LRRC4C: variants seen among roughly 807,000 people sequenced by gnomAD.
LRRC4C encodes leucine rich repeat containing 4C.
LRRC4C carries 5 observed loss-of-function variants against 33.6 expected under a neutral mutation model. That is an observed-to-expected ratio of 0.15 (90% confidence interval 0.08 to 0.31). LRRC4C has a LOEUF of 0.31. Ranked by LOEUF, LRRC4C falls within the 10% of genes least tolerant of loss-of-function variation. The probability of loss-of-function intolerance (pLI) is 1.00; values close to 1 mark genes in which losing one functional copy is unlikely to be tolerated. For missense variants in LRRC4C, 560 were observed against 796.7 expected (o/e 0.70, Z 3.58); for synonymous variants, 329 against 302.0 (o/e 1.09, Z -0.93).
At chr11:40,625,956 T>C (rs921627054) in intron 3 of LRRC4C, among the ~76,000 whole-genome samples, 3 of 152,184 alleles carry the variant, frequency 2.0e-5, no homozygotes, top group African/African-American at 7.2e-5. Context: ...ACGATGCTAT[T>C]AAATGATAGG....
intron 1 of LRRC4C, among the ~76,000 whole-genome samples, chr11:41,369,571 T>A (rs899859713): frequency 6.6e-6 from 1 of 151,538 alleles, no homozygotes; most frequent in Non-Finnish European, 1.5e-5. Context: ...GATTGGGAAA[T>A]CAGATGAGAG....
At chr11:40,794,917 T>A (rs550077097) in intron 2 of LRRC4C, among the ~76,000 whole-genome samples, 1 of 152,196 alleles carries the variant, frequency 6.6e-6, no homozygotes, top group South Asian at 2.1e-4. Flanking sequence ...GAATGATATA[T>A]TGAGTGCTTC....
chr11:41,306,126 G>A (rs1378053434), intron 1 of LRRC4C, among the ~76,000 whole-genome samples: 1 of 151,756 alleles, frequency 6.6e-6, no homozygotes, highest in Non-Finnish European at 1.5e-5. Flanking sequence ...TCAGTCTAGA[G>A]GCTCACTTAC....
At chr11:40,505,468 T>C (rs7113061) in intron 3 of LRRC4C, among the ~76,000 whole-genome samples, 86,222 of 151,996 alleles carry the variant, frequency 0.57, 24,834 homozygotes, top group East Asian at 0.81. Context: ...AACCTCTTGC[T>C]GGGTTATGGT....
chr11:40,771,162 C>G (rs1224579305), intron 2 of LRRC4C, among the ~76,000 whole-genome samples: 1 of 152,212 alleles, frequency 6.6e-6, no homozygotes, highest in Non-Finnish European at 1.5e-5. Flanking sequence ...CCAGGCATTT[C>G]TATACATCTT....
In LRRC4C at chr11:40,990,231, T is replaced by TTTTATA. The variant is rs1555030575; in HGVS notation, c.-495-56509_-495-56508insTATAAA. On this transcript the variant is annotated intron_variant, in intron 1 of 6. Transcript: ENST00000528697. ...AAATATTTGAATAGTATGTCAAGTT[T>TTTTATA]TATATATATATATATATATATATAT... Among the ~76,000 whole-genome samples, 3 of 78,244 alleles carry TTTTATA rather than the reference T, an allele frequency of 3.8e-5. No homozygotes were observed. In the East Asian group the frequency reaches 1.7e-3, roughly 45 times the overall value. 51.3% of individuals were successfully genotyped at this position (78,244 alleles called of 152,430 possible).
chr11:41,303,878 C>A lies in LRRC4C; in HGVS notation c.-496+155553G>T, dbSNP rs1353003058. Reference sequence around the variant, plus strand: ...ATCACCCCGTCTGAGAAGTGAGGAGCCCCTCCGCCCAGCAGCTGCCCGGTC... The same window carrying A: ...ATCACCCCGTCTGAGAAGTGAGGAGACCCTCCGCCCAGCAGCTGCCCGGTC... On this transcript the variant is annotated intron_variant, in intron 1 of 6. Coordinates refer to ENST00000528697, the MANE Select transcript of LRRC4C (RefSeq NM_001258419.2). Among the ~76,000 whole-genome samples, 5 of 60,552 alleles carry A rather than the reference C, an allele frequency of 8.3e-5. No homozygotes were observed. The South Asian group carries it at 2.2e-3, about 26-fold the overall frequency. 39.7% of individuals were successfully genotyped at this position (60,552 alleles called of 152,430 possible). A position where few individuals can be genotyped will look rare whatever the true frequency, so the allele number is the denominator to read the frequency against.
At chr11:41,257,900 T>C (rs1948853053) in intron 1 of LRRC4C, among the ~76,000 whole-genome samples, 1 of 152,012 alleles carries the variant, frequency 6.6e-6, no homozygotes. Flanking sequence ...AGAGGAAGTG[T>C]GCAATAAATA....
intron 1 of LRRC4C, among the ~76,000 whole-genome samples, chr11:41,457,334 G>C (rs1956201542): frequency 6.6e-6 from 1 of 152,082 alleles, no homozygotes; most frequent in Non-Finnish European, 1.5e-5. Context: ...GACCTAAAAT[G>C]CTGTCCTCTA....
chr11:40,516,248 T>C (rs996669687), intron 3 of LRRC4C, among the ~76,000 whole-genome samples: 1 of 152,088 alleles, frequency 6.6e-6, no homozygotes, highest in African/African-American at 2.4e-5. Context: ...GTAAAAATAA[T>C]AAATTTCAGT....
At position 40,819,633 on chromosome 11, in the gene LRRC4C, C is replaced by T. The variant is rs147786457; in HGVS notation, c.-407+114002G>A. Among the ~76,000 whole-genome samples, 9 of 152,102 alleles carry T rather than the reference C, an allele frequency of 5.9e-5. No individual in the cohort carries two copies. The East Asian group carries it at 9.7e-4, about 16-fold the overall frequency. Reference sequence around the variant, plus strand: ...AAAAATTAGGAGCTTCTAAGCTAGCCGCATAGTCCTGGTCAACCCAGAAGC... The same window carrying T: ...AAAAATTAGGAGCTTCTAAGCTAGCTGCATAGTCCTGGTCAACCCAGAAGC... On this transcript the variant is annotated intron_variant, in intron 2 of 6. Coordinates refer to ENST00000528697, the MANE Select transcript of LRRC4C (RefSeq NM_001258419.2).
chr11:40,608,734 A>T (rs1960891549), intron 3 of LRRC4C, among the ~76,000 whole-genome samples: 1 of 152,194 alleles, frequency 6.6e-6, no homozygotes, highest in South Asian at 2.1e-4. Flanking sequence ...GAAGCAATGA[A>T]AAAGATATTC....
chr11:41,224,544 A>G (rs1468793160), intron 1 of LRRC4C, among the ~76,000 whole-genome samples: 1 of 152,180 alleles, frequency 6.6e-6, no homozygotes, highest in Non-Finnish European at 1.5e-5. Flanking sequence ...AGGAAGTCAA[A>G]ACTTCCTTGT....
At chr11:41,376,128 T>C (rs2958836) in intron 1 of LRRC4C, among the ~76,000 whole-genome samples, 64,261 of 151,350 alleles carry the variant, frequency 0.42, 14,298 homozygotes, top group Non-Finnish European at 0.49. Flanking sequence ...CAATTTACTC[T>C]GTAGAGAAAG....
chr11:40,956,381 T>C (rs1319540689), intron 1 of LRRC4C, among the ~76,000 whole-genome samples: 1 of 151,782 alleles, frequency 6.6e-6, no homozygotes, highest in East Asian at 1.9e-4. Context: ...AATTTGCTGG[T>C]AGACACTGTC....
intron 1 of LRRC4C, among the ~76,000 whole-genome samples, chr11:41,349,212 TAGCC>T (rs1323201927): frequency 6.6e-6 from 1 of 152,110 alleles, no homozygotes; most frequent in Non-Finnish European, 1.5e-5. Context: ...CCTTATCTAA[TAGCC>T]AGAGAACTTT....
chr11:40,675,434 G>C lies in LRRC4C; in HGVS notation c.-406-27156C>G, dbSNP rs187841012. On this transcript the variant is annotated intron_variant, in intron 2 of 6. Transcript: ENST00000528697. Reference sequence around the variant, plus strand: ...AACTCAGGACAGAGATAGTAGGGTAGCTGGGAAACCACGTTAAGCAGAGTT... The same window carrying C: ...AACTCAGGACAGAGATAGTAGGGTACCTGGGAAACCACGTTAAGCAGAGTT... Among the ~76,000 whole-genome samples the C allele has an allele frequency of 1.4e-3, 208 of 152,306 alleles. 1 individual carries two copies. The highest frequency in any genetic ancestry group is 8.4e-3 in the Admixed American group (129 of 15,296).
chr11:40,451,496 C>T (rs1211273531), intron 3 of LRRC4C, among the ~76,000 whole-genome samples: 1 of 145,648 alleles, frequency 6.9e-6, no homozygotes, highest in African/African-American at 2.5e-5. Flanking sequence ...AGTAATTCTC[C>T]TGCCTCAGCC....
chr11:40,542,604 T>A (rs930130547), intron 3 of LRRC4C, among the ~76,000 whole-genome samples: 2 of 151,970 alleles, frequency 1.3e-5, no homozygotes, highest in African/African-American at 4.8e-5. Flanking sequence ...GGAGTTTCCC[T>A]AGAGCAAGCC....
Sources: allele counts gnomAD v4.1 joint callset (sites outside exome capture counted in the v4.1 genomes callset), GRCh38; gene constraint gnomAD v4.1.1; transcripts MANE v1.5; gene names NCBI Gene and HGNC (gene_info 2026-07-23, HGNC 2026-07-21).